Variants in SARS2 observed in about 807,000 individuals in gnomAD.
SARS2 encodes serine--tRNA ligase, mitochondrial.
Under a neutral mutation model 66.8 loss-of-function variants are expected in SARS2, and 52 were observed. The ratio of observed to expected loss-of-function variants is 0.78; its 90% CI spans 0.62 to 0.98. The LOEUF (loss-of-function observed/expected upper bound fraction) is 0.98, where lower values mean the gene tolerates loss of function less well. Ranked by LOEUF, SARS2 falls within the 50% of genes least tolerant of loss-of-function variation. The probability of loss-of-function intolerance (pLI) is 0.00; values close to 1 mark genes in which losing one functional copy is unlikely to be tolerated. For missense variants in SARS2, 673 were observed against 706.3 expected, an observed-to-expected ratio of 0.95 and a Z score of 0.53; for synonymous variants, 306 against 281.4, an observed-to-expected ratio of 1.09 and a Z score of -0.87.
In SARS2 at chr19:38,919,865, C is replaced by T. The variant is rs747064409; in HGVS notation, c.656G>A (p.Arg219His). The T allele has an allele frequency of 8.7e-6, 14 of 1,613,564 alleles. No homozygotes were observed. The highest frequency in any genetic ancestry group is 2.2e-5 in the South Asian group (2 of 91,010). The part of the protein sequence containing the change: ...GEKLDIIRQK[R>H]LSHVSGHRSY... The stretch of plus-strand genomic sequence containing the variant: ...CCGGTGGCCAGACACGTGGGACAGG[C>T]GCCTGGGAGACAGACAGACAGGCGG... The change falls in exon 7 of 16, where the codon CGC (arginine) becomes CAC (histidine). Residue 219 changes from arginine to histidine, a missense_variant and splice_region_variant. Coordinates refer to ENST00000221431, the MANE Select transcript of SARS2 (RefSeq NM_017827.4).
chr19:38,926,932 A>AT (rs771202609), intron 1 of SARS2, among the ~76,000 whole-genome samples: 2,054 of 138,962 alleles, frequency 0.015, 37 homozygotes, highest in African/African-American at 0.039. Flanking sequence ...CCTCTAAGAA[A>AT]TTTTTTTTTT....
intron 2 of SARS2, among the ~76,000 whole-genome samples, chr19:38,925,618 G>A (rs1023816743): frequency 6.6e-6 from 1 of 152,232 alleles, no homozygotes; most frequent in Admixed American, 6.5e-5. Context: ...AGTCATGTGA[G>A]GAGATGCTGG....
rs947932141 is a variant in SARS2 at position 38,921,634 on chromosome 19, G to A, written c.427C>T (p.Arg143Trp). ...TGAACAAGCTCCTTCCGGATCTCCCGGCCACGTGCCCGCAGACCCTGGTAC... is the reference window on the plus strand; with the variant it reads ...TGAACAAGCTCCTTCCGGATCTCCCAGCCACGTGCCCGCAGACCCTGGTAC... ...PKYQGLRARG[R>W]EIRKELVHLY... Residue 143 changes from arginine (R) to tryptophan (W), a missense_variant, in exon 4 of 16, where the codon CGG becomes TGG. Transcript: ENST00000221431. 1.9e-6 allele frequency: 3 copies of A among 1,614,082 alleles called. No individual in the cohort carries two copies. The highest frequency in any genetic ancestry group is 2.2e-5 in the East Asian group (1 of 44,898).
In SARS2 at chr19:38,918,409, C is replaced by A. The variant is rs1228973619; in HGVS notation, c.916+13G>T. ...CACTCCTGCTCCTCCCCACCACCCACACAGGTCCTCACCTGCAAGCCCCAC... is the reference window on the plus strand; with the variant it reads ...CACTCCTGCTCCTCCCCACCACCCAAACAGGTCCTCACCTGCAAGCCCCAC... On this transcript the variant is annotated intron_variant, in intron 9 of 15. Coordinates refer to ENST00000221431, the MANE Select transcript of SARS2 (RefSeq NM_017827.4). The A allele has an allele frequency of 1.9e-6, 3 of 1,597,592 alleles. No homozygotes were observed. Among genetic ancestry groups the A allele is most frequent in the Admixed American group, 3.4e-5 (2 of 59,654 alleles).
At chr19:38,920,802 C>T (rs1974508944) in intron 5 of SARS2, among the ~76,000 whole-genome samples, 1 of 151,414 alleles carries the variant, frequency 6.6e-6, no homozygotes, top group Admixed American at 6.6e-5. Context: ...GATACACACA[C>T]AGACACACAG....
rs145344518 is a variant in SARS2 at position 38,921,561 on chromosome 19, G to A, written c.500C>T (p.Ala167Val). The part of the protein sequence containing the change: ...AQLEEQFYLQ[A>V]LKLPNQTHPD... Reference sequence around the variant, plus strand: ...GTGGGTCTGGTTGGGCAGCTTCAGCGCCTGCAGGTAGAACTGCTCCTCAAG... The same window carrying A: ...GTGGGTCTGGTTGGGCAGCTTCAGCACCTGCAGGTAGAACTGCTCCTCAAG... The change falls in exon 4 of 16, where the codon GCG becomes GTG. Residue 167 changes from alanine (A) to valine (V), a missense_variant. Physicochemically the swap from Ala to Val is moderately conservative, Grantham distance 64 (BLOSUM62 0). Coordinates refer to ENST00000221431, the MANE Select transcript of SARS2 (RefSeq NM_017827.4). 52 of 1,614,072 alleles carry A rather than the reference G, an allele frequency of 3.2e-5. No homozygotes were observed. Among genetic ancestry groups the A allele is most frequent in the African/African-American group, 1.3e-4 (10 of 74,924 alleles).
chr19:38,927,084 G>A (rs1023054688), intron 1 of SARS2, among the ~76,000 whole-genome samples: 4 of 151,804 alleles, frequency 2.6e-5, no homozygotes, highest in South Asian at 2.1e-4. Flanking sequence ...CCACAGGTAC[G>A]TGCCACTGCA....
rs1555743842 is a variant in SARS2 at position 38,920,986 on chromosome 19, GACAC to G, written c.589+402_589+405del. On this transcript the variant is annotated intron_variant, in intron 5 of 15. Coordinates refer to ENST00000221431, the MANE Select transcript of SARS2 (RefSeq NM_017827.4). ...ACAGATACAGACACACACAAACACA[GACAC>G]ACACACACAGATACAGACACACACA... Among the ~76,000 whole-genome samples the G allele has an allele frequency of 1.4e-3, 191 of 141,284 alleles. 2 individuals are homozygous for G. The highest frequency in any genetic ancestry group is 4.7e-3 in the African/African-American group (179 of 38,226). 92.7% of individuals were successfully genotyped at this position (141,284 alleles called of 152,430 possible). A position where few individuals can be genotyped will look rare whatever the true frequency, so the allele number is the denominator to read the frequency against.
intron 2 of SARS2, among the ~76,000 whole-genome samples, chr19:38,922,991 C>A (rs1974565112): frequency 6.6e-6 from 1 of 151,028 alleles, no homozygotes; most frequent in African/African-American, 2.4e-5. Context: ...GCAAGCTCCA[C>A]CTCCTGGGTT....
chr19:38,921,038 CAG>C (rs1280367272), intron 5 of SARS2, among the ~76,000 whole-genome samples: 7,208 of 144,588 alleles, frequency 0.05, 610 homozygotes, highest in African/African-American at 0.18. Flanking sequence ...CAGACACACA[CAG>C]ATACACAGAT....
intron 5 of SARS2, among the ~76,000 whole-genome samples, chr19:38,920,934 CAT>C (rs201540467): frequency 0.32 from 38,271 of 118,214 alleles, 5,506 homozygotes; most frequent in East Asian, 0.59. Context: ...TAGACACACA[CAT>C]AGACACACAC....
chr19:38,915,943 C>G (rs1371758471), intron 14 of SARS2, 37 bp from the exon 15 acceptor site: 2 of 1,613,272 alleles, frequency 1.2e-6, no homozygotes, highest in Non-Finnish European at 1.7e-6. Context: ...GCGCCCACCC[C>G]AAGCTGAGCC....
At position 38,930,503 on chromosome 19, in the gene SARS2, C is replaced by T. The variant is rs200138426; in HGVS notation, c.234G>A (p.Lys78=). 10 of 1,610,026 alleles carry T rather than the reference C, an allele frequency of 6.2e-6. No homozygotes were observed. The East Asian group carries it at 6.7e-5, about 11-fold the overall frequency. ...EEAAHALELR[K]GELRSADLPA... Reference sequence around the variant, plus strand: ...GCAGGTCCGCCGAGCGCAGCTCCCCCTTGCGGAGCTCCAGGGCGTGTGCGG... The same window carrying T: ...GCAGGTCCGCCGAGCGCAGCTCCCCTTTGCGGAGCTCCAGGGCGTGTGCGG... The change falls in exon 1 of 16, where the codon AAG becomes AAA. Residue 78 remains lysine (K), a synonymous_variant. Transcript: ENST00000221431.
In SARS2 at chr19:38,926,135, G is replaced by A. The variant is rs73930233; in HGVS notation, c.363+70C>T. 1.4e-5 allele frequency: 18 copies of A among 1,290,318 alleles called. 1 individual carries two copies. Among genetic ancestry groups the A allele is most frequent in the Admixed American group, 3.4e-5 (2 of 59,476 alleles). The allele number at this position is 1,290,318 out of a possible 1,614,324, so 79.9% of individuals were successfully genotyped here. A position where few individuals can be genotyped will look rare whatever the true frequency, so the allele number is the denominator to read the frequency against. ...CAGCCTGTTCAAGTTCTTTAAATTC[G>A]GTTTCCTGTTACCTGTGTCTAGAGA... On this transcript the variant is annotated intron_variant, in intron 2 of 15. Coordinates refer to ENST00000221431, the MANE Select transcript of SARS2 (RefSeq NM_017827.4).
chr19:38,928,473 ATAAT>A (rs2144783383), intron 1 of SARS2: 1 of 147,800 alleles, frequency 6.8e-6, no homozygotes, highest in South Asian at 2.2e-4. Context: ...GAAAGAGAAT[ATAAT>A]TAAAGAACAA....
intron 9 of SARS2, 74 bp downstream of exon 9, chr19:38,918,346 CCA>C (rs1974455934): frequency 1.4e-6 from 2 of 1,386,310 alleles, no homozygotes; most frequent in African/African-American, 2.8e-5. Flanking sequence ...GTGATCCCCC[CCA>C]GTGCTCCCTG....
rs1974484269 is a variant in SARS2, at chr19:38,919,789, G to A, written c.732C>T (p.Asn244=). The change falls in exon 7 of 16, where the codon AAC becomes AAT. Residue 244 remains asparagine, a synonymous_variant. Transcript: ENST00000221431. ...GGCGGAGAAGCTTGTTGAATGTGAA[G>A]TTGACCAGGCCGTGCTGCAGGAGGG... ...AGALLQHGLV[N]FTFNKLLRRG... is the part of the protein sequence containing the mutation. The A allele has an allele frequency of 1.2e-6, 2 of 1,614,188 alleles. No individual in the cohort carries two copies. Among genetic ancestry groups the A allele is most frequent in the African/African-American group, 1.3e-5 (1 of 75,058 alleles).
rs943768679 is a variant in SARS2 at position 38,915,456 on chromosome 19, G to A, written c.*150C>T. 1 of 804,580 alleles carries A rather than the reference G, an allele frequency of 1.2e-6. No homozygotes were observed. The highest frequency in any genetic ancestry group is 2.0e-6 in the Non-Finnish European group (1 of 498,288). 49.8% of individuals were successfully genotyped at this position (804,580 alleles called of 1,614,324 possible). A position where few individuals can be genotyped will look rare whatever the true frequency, so the allele number is the denominator to read the frequency against. The stretch of plus-strand genomic sequence containing the variant: ...TCTGAGGCAGCAAGGACAGAGGAGA[G>A]GTGGACCCCGTGGTCCAGGGGCCCG... On this transcript the variant is annotated 3_prime_UTR_variant, in exon 16 of 16. Coordinates refer to ENST00000221431, the MANE Select transcript of SARS2 (RefSeq NM_017827.4).
rs1301131163 is a variant in SARS2, at chr19:38,918,098, C to G, written c.958G>C (p.Val320Leu). The G allele has an allele frequency of 6.2e-7, 1 of 1,605,840 alleles. No individual in the cohort carries two copies. Among genetic ancestry groups the G allele is most frequent in the Non-Finnish European group, 8.5e-7 (1 of 1,176,490 alleles). ...DHTVAFRDLP[V>L]RMVCSSTCYR... ...TCTAAGGAAACCAGGTGTCACCTGA[C>G]TGGCAGGTCCCTGAAGGCCACGGTG... Residue 320 changes from valine (V) to leucine (L), a missense_variant, in exon 10 of 16, where the codon GTC (valine) becomes CTC (leucine). Physicochemically the swap from Val to Leu is conservative, Grantham distance 32. Coordinates refer to ENST00000221431, the MANE Select transcript of SARS2 (RefSeq NM_017827.4).
Sources: allele counts gnomAD v4.1 joint callset (sites outside exome capture counted in the v4.1 genomes callset), GRCh38; gene constraint gnomAD v4.1.1; transcripts MANE v1.5; gene names NCBI Gene and HGNC (gene_info 2026-07-23, HGNC 2026-07-21).